The following MYT1L variants were observed in gnomAD, a reference collection of about 807,000 sequenced individuals.
MYT1L encodes myelin transcription factor 1-like protein.
Under a neutral mutation model 126.7 loss-of-function variants are expected in MYT1L, and 12 were observed. That is an observed-to-expected ratio of 0.09 (90% CI 0.06 to 0.15). The LOEUF (loss-of-function observed/expected upper bound fraction) is 0.15, where lower values mean the gene tolerates loss of function less well. Ranked by LOEUF, MYT1L falls within the 10% of genes least tolerant of loss-of-function variation. MYT1L has a pLI of 1.00. For missense variants in MYT1L, 979 were observed against 1,585.2 expected, an observed-to-expected ratio of 0.62 and a Z score of 6.49; for synonymous variants, 541 against 604.2, an observed-to-expected ratio of 0.90 and a Z score of 1.53.
intron 2 of MYT1L, among the ~76,000 whole-genome samples, chr2:2,239,768 C>T (rs1490682138): frequency 6.6e-6 from 1 of 152,184 alleles, no homozygotes; most frequent in East Asian, 1.9e-4. Context: ...GCAACATCAA[C>T]AGAAAAGGCA....
At chr2:2,242,754 T>C (rs2094462522) in intron 2 of MYT1L, among the ~76,000 whole-genome samples, 1 of 152,114 alleles carries the variant, frequency 6.6e-6, no homozygotes, top group Admixed American at 6.5e-5. Flanking sequence ...GTCTAGTGAG[T>C]GGGCATACAC....
intron 3 of MYT1L, among the ~76,000 whole-genome samples, chr2:2,125,083 A>G (rs1244689963): frequency 6.6e-6 from 1 of 152,236 alleles, no homozygotes; most frequent in Non-Finnish European, 1.5e-5. Flanking sequence ...AGTCTAAAAT[A>G]TCACATAAAA....
chr2:2,089,164 A>G (rs2076652093), intron 3 of MYT1L, among the ~76,000 whole-genome samples: 1 of 152,236 alleles, frequency 6.6e-6, no homozygotes, highest in African/African-American at 2.4e-5. Flanking sequence ...GGAATTTACA[A>G]TAAGAGGGTC....
chr2:2,314,236 A>T (rs1442184028), intron 1 of MYT1L, among the ~76,000 whole-genome samples: 1 of 152,246 alleles, frequency 6.6e-6, no homozygotes, highest in East Asian at 1.9e-4. Flanking sequence ...AGTTTTCCAA[A>T]TGAAACTGCC....
At chr2:2,073,671 CG>C (rs2074886505) in intron 3 of MYT1L, among the ~76,000 whole-genome samples, 1 of 152,170 alleles carries the variant, frequency 6.6e-6, no homozygotes, top group Non-Finnish European at 1.5e-5. Context: ...GTATCTTGGA[CG>C]TTGTATGTCG....
chr2:1,872,207 C>G (rs748965217), intron 18 of MYT1L, among the ~76,000 whole-genome samples: 43 of 152,238 alleles, frequency 2.8e-4, no homozygotes, highest in Non-Finnish European at 6.3e-4. Context: ...ATCATTGTCT[C>G]GGAGAGCTAT....
chr2:2,083,984 A>C (rs548991233), intron 3 of MYT1L, among the ~76,000 whole-genome samples: 62 of 151,900 alleles, frequency 4.1e-4, no homozygotes, highest in African/African-American at 1.2e-3. Flanking sequence ...CCACTCCATC[A>C]GTAAGCCCAT....
chr2:2,135,671 A>C (rs115369622), intron 3 of MYT1L, among the ~76,000 whole-genome samples: 2,347 of 152,332 alleles, frequency 0.015, 42 homozygotes, highest in African/African-American at 0.053. Context: ...GAGAGAAATC[A>C]GTGGAAAAGG....
At chr2:1,880,291 T>C (rs1291233297) in intron 18 of MYT1L, among the ~76,000 whole-genome samples, 4 of 152,190 alleles carry the variant, frequency 2.6e-5, no homozygotes. Flanking sequence ...GGTAAAAACA[T>C]TCTTGGCCTG....
chr2:1,862,762 A>T (rs1437758781), intron 18 of MYT1L, among the ~76,000 whole-genome samples: 1 of 152,212 alleles, frequency 6.6e-6, no homozygotes, highest in Non-Finnish European at 1.5e-5. Flanking sequence ...CAAACGCTGC[A>T]GGGATGTGGC....
chr2:2,046,810 T>C (rs1574807237), intron 4 of MYT1L, among the ~76,000 whole-genome samples: 1 of 152,236 alleles, frequency 6.6e-6, no homozygotes, highest in Non-Finnish European at 1.5e-5. Flanking sequence ...CTGAGCTTCA[T>C]TGATATTGCT....
At chr2:2,114,010 A>C (rs1326555920) in intron 3 of MYT1L, among the ~76,000 whole-genome samples, 2 of 152,122 alleles carry the variant, frequency 1.3e-5, no homozygotes. Flanking sequence ...ATAGTTATGA[A>C]AACATTACTG....
At chr2:2,113,634 A>T in intron 3 of MYT1L, among the ~76,000 whole-genome samples, 1 of 152,218 alleles carries the variant, frequency 6.6e-6, no homozygotes, top group East Asian at 1.9e-4. Flanking sequence ...TTGCTCAAAG[A>T]TCTGTTTTAA....
chr2:2,123,932 G>T (rs2081361185), intron 3 of MYT1L, among the ~76,000 whole-genome samples: 1 of 152,162 alleles, frequency 6.6e-6, no homozygotes, highest in South Asian at 2.1e-4. Flanking sequence ...TGGACACTGG[G>T]AAGTACAGGG....
At chr2:1,958,359 A>G (rs12612812) in intron 8 of MYT1L, among the ~76,000 whole-genome samples, 1 of 150,422 alleles carries the variant, frequency 6.6e-6, no homozygotes, top group African/African-American at 2.5e-5. Context: ...GCAGATGGAA[A>G]CCAGGGAGTT....
At chr2:2,217,856 T>C (rs577707550) in intron 2 of MYT1L, among the ~76,000 whole-genome samples, 2 of 152,038 alleles carry the variant, frequency 1.3e-5, no homozygotes, top group East Asian at 1.9e-4. Flanking sequence ...CAAAAAGAGC[T>C]CTCGAAACTT....
intron 2 of MYT1L, among the ~76,000 whole-genome samples, chr2:2,204,519 C>A (rs2093229701): frequency 7.0e-6 from 1 of 143,682 alleles, no homozygotes; most frequent in East Asian, 2.0e-4. Context: ...AAATGCTCAC[C>A]ATCACTGGCC....
intron 18 of MYT1L, among the ~76,000 whole-genome samples, chr2:1,880,457 C>T (rs1261050536): frequency 6.6e-6 from 1 of 152,182 alleles, no homozygotes; most frequent in Non-Finnish European, 1.5e-5. Flanking sequence ...TGTGCCTCAG[C>T]CTCCTGAGTA....
chr2:1,837,388 C>G (rs1453036671), intron 21 of MYT1L, among the ~76,000 whole-genome samples: 1 of 152,104 alleles, frequency 6.6e-6, no homozygotes, highest in Admixed American at 6.6e-5. Context: ...ACTCATAGGT[C>G]AAATGGGCAG....
Sources: allele counts gnomAD v4.1 joint callset (sites outside exome capture counted in the v4.1 genomes callset), GRCh38; gene constraint gnomAD v4.1.1; transcripts MANE v1.5; gene names NCBI Gene and HGNC (gene_info 2026-07-23, HGNC 2026-07-21).